WIPF1: variants seen among roughly 807,000 people sequenced by gnomAD.
WIPF1 encodes WAS/WASL interacting protein family member 1.
WIPF1 carries 13 observed loss-of-function variants against 35.4 expected under a neutral mutation model. The ratio of observed to expected loss-of-function variants is 0.37; its 90% CI spans 0.24 to 0.58. WIPF1 has a LOEUF of 0.58. Ranked by LOEUF, WIPF1 falls within the 20% of genes least tolerant of loss-of-function variation. WIPF1 has a pLI of 0.74. For synonymous variants in WIPF1, 267 were observed against 266.3 expected, an observed-to-expected ratio of 1.00 and a Z score of -0.02; for missense variants, 591 against 667.0, an observed-to-expected ratio of 0.89 and a Z score of 1.25.
At chr2:174,656,917 T>TA (rs549559763) in intron 1 of WIPF1, among the ~76,000 whole-genome samples, 147 of 152,316 alleles carry the variant, frequency 9.7e-4, no homozygotes, top group African/African-American at 3.4e-3. Context: ...AAAAACAAAA[T>TA]AGACAGCTAC....
intron 1 of WIPF1, among the ~76,000 whole-genome samples, chr2:174,680,469 G>T (rs1026724369): frequency 6.6e-6 from 1 of 152,212 alleles, no homozygotes; most frequent in Non-Finnish European, 1.5e-5. Context: ...GCTTCAGGAA[G>T]ACCACAGCCC....
At chr2:174,595,109 AATATATAT>A (rs1158052520) in intron 1 of WIPF1, among the ~76,000 whole-genome samples, 8 of 57,742 alleles carry the variant, frequency 1.4e-4, no homozygotes, top group African/African-American at 4.5e-4. Context: ...AAAAAAAAAA[AATATATAT>A]ATATATATAT....
chr2:174,571,331 G>T lies in WIPF1; in HGVS notation c.1129+345C>A. Reference sequence around the variant, plus strand: ...GGTGGGGACTTATTTTCCCAATTAAGACCGCCGAAATTCTCTCTAGGGAGG... The same window carrying T: ...GGTGGGGACTTATTTTCCCAATTAATACCGCCGAAATTCTCTCTAGGGAGG... On this transcript the variant is annotated intron_variant, in intron 5 of 7. Transcript: ENST00000679041. This position sits in a 1 kb window ranked among gnomAD's most constrained non-coding sequence, Gnocchi z 4.6. 3.8e-6 allele frequency: 2 copies of T among 524,476 alleles called. No individual in the cohort carries two copies. Among genetic ancestry groups the T allele is most frequent in the Admixed American group, 3.7e-5 (1 of 27,088 alleles). 32.5% of individuals were successfully genotyped at this position (524,476 alleles called of 1,614,324 possible). A position where few individuals can be genotyped will look rare whatever the true frequency, so the allele number is the denominator to read the frequency against.
rs1227035387 is a variant in WIPF1 at position 174,622,329 on chromosome 2, AT to A, written c.-38-36719del. Reference sequence around the variant, plus strand: ...TATTTAACTCAACTAACCTAAAAAAATCTAAAGACATATTTAGTGTCATCCT... The same window carrying A: ...TATTTAACTCAACTAACCTAAAAAAACTAAAGACATATTTAGTGTCATCCT... On this transcript the variant is annotated intron_variant, in intron 1 of 8. Transcript: ENST00000272746. The surrounding 1 kb of genome is among the most constrained non-coding windows in gnomAD (Gnocchi z 5.1). Among the ~76,000 whole-genome samples the A allele has an allele frequency of 1.3e-5, 2 of 152,214 alleles. No homozygotes were observed. The highest frequency in any genetic ancestry group is 2.9e-5 in the Non-Finnish European group (2 of 68,046).
intron 1 of WIPF1, among the ~76,000 whole-genome samples, chr2:174,654,877 CAG>C (rs1687610096): frequency 6.6e-6 from 1 of 152,136 alleles, no homozygotes; most frequent in Non-Finnish European, 1.5e-5. Context: ...TACCAGAGGA[CAG>C]GGGAGAAGCA....
At chr2:174,583,758 T>C (rs1685310500) in intron 2 of WIPF1, among the ~76,000 whole-genome samples, 2 of 152,208 alleles carry the variant, frequency 1.3e-5, no homozygotes, top group Admixed American at 6.5e-5. Context: ...GATAAATGAA[T>C]CCTGCTATGT....
chr2:174,642,730 A>G (rs1209658826), intron 1 of WIPF1, among the ~76,000 whole-genome samples: 1 of 148,522 alleles, frequency 6.7e-6, no homozygotes, highest in Non-Finnish European at 1.5e-5. Flanking sequence ...GCTTGCGGAA[A>G]CCTTGAACTC....
chr2:174,637,569 C>T (rs1007655177), intron 1 of WIPF1, among the ~76,000 whole-genome samples: 4 of 152,118 alleles, frequency 2.6e-5, no homozygotes, highest in Non-Finnish European at 2.9e-5. Context: ...GGGTGGATTA[C>T]GAGGTCAGGA....
intron 1 of WIPF1, among the ~76,000 whole-genome samples, chr2:174,654,374 G>C (rs1467763306): frequency 1.3e-5 from 2 of 152,026 alleles, no homozygotes; most frequent in African/African-American, 4.8e-5. Context: ...CTAAAAACTA[G>C]AGTTTATCTT....
rs151018958 is a variant in WIPF1 at position 174,572,172 on chromosome 2, C to T, written c.633G>A (p.Arg211=). 1.9e-6 allele frequency: 3 copies of T among 1,613,946 alleles called. No homozygotes were observed. The highest frequency in any genetic ancestry group is 1.7e-5 in the Admixed American group (1 of 60,004). Residue 211 remains arginine, a synonymous_variant, in exon 5 of 8, where the codon AGG becomes AGA. Transcript: ENST00000679041. ...GAGGAGTGGGCCCGGGGCTGGGCTG[C>T]CTGGGGCCTCCGGGCACTGGTGGGG... ...RGSPPVPGGP[R]QPSPGPTPPP... is the part of the protein sequence containing the mutation.
intron 1 of WIPF1, among the ~76,000 whole-genome samples, chr2:174,668,384 A>G (rs1687937623): frequency 6.6e-6 from 1 of 152,100 alleles, no homozygotes; most frequent in Admixed American, 6.6e-5. Flanking sequence ...ATGCTCTGGG[A>G]TGTTACATTT....
intron 1 of WIPF1, among the ~76,000 whole-genome samples, chr2:174,608,032 C>G (rs1686225925): frequency 6.6e-6 from 1 of 152,168 alleles, no homozygotes; most frequent in Admixed American, 6.5e-5. Context: ...TGGGGAGGCT[C>G]TTGCTTCTCC....
chr2:174,588,307 A>ACTC (rs1416193875), intron 1 of WIPF1, among the ~76,000 whole-genome samples: 2 of 151,994 alleles, frequency 1.3e-5, no homozygotes, highest in Non-Finnish European at 2.9e-5. Flanking sequence ...ATTTTGTCTG[A>ACTC]CTCCACGTTC....
At chr2:174,676,951 C>T (rs1179570252) in intron 1 of WIPF1, 1 of 152,084 alleles carries the variant, frequency 6.6e-6, no homozygotes, top group East Asian at 1.9e-4. Context: ...CGCTTGAGCC[C>T]AGGAATTCAA....
At chr2:174,605,856 A>G (rs1376324638) in intron 1 of WIPF1, among the ~76,000 whole-genome samples, 2 of 152,242 alleles carry the variant, frequency 1.3e-5, no homozygotes, top group Non-Finnish European at 2.9e-5. Flanking sequence ...CATTAAAAAA[A>G]AAAGACTTGT....
chr2:174,660,684 G>A (rs111663157), intron 1 of WIPF1, among the ~76,000 whole-genome samples: 2,151 of 152,282 alleles, frequency 0.014, 39 homozygotes, highest in South Asian at 0.034. Flanking sequence ...AGTGGTTGAT[G>A]TAAGTGTATG....
At chr2:174,563,289 G>A (rs972358928) in intron 7 of WIPF1, among the ~76,000 whole-genome samples, 2 of 152,218 alleles carry the variant, frequency 1.3e-5, no homozygotes, top group African/African-American at 2.4e-5. Flanking sequence ...AGTTATTCAC[G>A]GCCCAGTTGC....
intron 3 of WIPF1, among the ~76,000 whole-genome samples, chr2:174,577,043 A>C (rs1224889737): frequency 6.6e-6 from 1 of 152,114 alleles, no homozygotes; most frequent in Admixed American, 6.5e-5. Flanking sequence ...ATTTTTTGGC[A>C]AAGTTTTTTA....
At chr2:174,667,673 C>T (rs1202342658) in intron 1 of WIPF1, among the ~76,000 whole-genome samples, 3 of 152,186 alleles carry the variant, frequency 2.0e-5, no homozygotes, top group Non-Finnish European at 4.4e-5. Context: ...CTGCAGGCCA[C>T]CTCAGCCTTT....
Sources: gnomAD v4.1 joint callset for allele counts (sites outside exome capture counted in the v4.1 genomes callset) on GRCh38, gnomAD v4.1.1 for gene constraint, Gnocchi (gnomAD v3.1) non-coding constraint, MANE v1.5 for transcripts, NCBI Gene and HGNC (gene_info 2026-07-23, HGNC 2026-07-21) for gene names.